The following SLC2A10 variants were observed in gnomAD, a reference collection of about 807,000 sequenced individuals.
SLC2A10 encodes the protein solute carrier family 2 member 10.
In SLC2A10, 25 loss-of-function variants were observed where a neutral mutation model predicts 32.1. The observed-to-expected ratio is 0.78, with a 90% CI of 0.57 to 1.09. The LOEUF (loss-of-function observed/expected upper bound fraction) is 1.09. Ranked by LOEUF, SLC2A10 falls within the 50% of genes least tolerant of loss-of-function variation. SLC2A10 has a pLI of 0.00. For synonymous variants in SLC2A10, 332 were observed against 309.6 expected (o/e 1.07, Z -0.76); for missense variants, 673 against 686.5 (o/e 0.98, Z 0.22).
At chr20:46,730,519 C>T (rs2425909) in intron 4 of SLC2A10, among the ~76,000 whole-genome samples, 56,560 of 151,498 alleles carry the variant, frequency 0.37, 11,360 homozygotes, top group East Asian at 0.6. Context: ...GAGGCACCCA[C>T]GTAATGATGA....
intron 1 of SLC2A10, among the ~76,000 whole-genome samples, chr20:46,722,379 C>T (rs927822884): frequency 1.5e-4 from 23 of 152,280 alleles, no homozygotes; most frequent in Admixed American, 7.2e-4. Flanking sequence ...GCCACAAGAC[C>T]GTGGATTCCC....
chr20:46,726,091 C>T lies in SLC2A10; in HGVS notation c.1055C>T (p.Ser352Phe). ...GACTCTGGCCTGCTGCAGGACTCCTCTCTACCTCCCATTCCAAGGACCAAT... is the reference window on the plus strand; with the variant it reads ...GACTCTGGCCTGCTGCAGGACTCCTTTCTACCTCCCATTCCAAGGACCAAT... ...PGDSGLLQDSSLPPIPRTNED... is the reference protein window; with the variant it reads ...PGDSGLLQDSFLPPIPRTNED... The change falls in exon 2 of 5, where the codon TCT becomes TTT. Residue 352 changes from serine (S) to phenylalanine (F), a missense_variant. Ser to Phe is a radical substitution (Grantham distance 155, BLOSUM62 -2). Transcript: ENST00000359271. 1 of 1,614,254 alleles carries T rather than the reference C, an allele frequency of 6.2e-7. No homozygotes were observed.
chr20:46,733,207 G>A (rs1182708409), intron 4 of SLC2A10, among the ~76,000 whole-genome samples: 1 of 152,150 alleles, frequency 6.6e-6, no homozygotes, highest in Non-Finnish European at 1.5e-5. Flanking sequence ...TTCCAGGGAG[G>A]CCTCAGGAAA....
At chr20:46,720,563 C>T (rs6124855) in intron 1 of SLC2A10, among the ~76,000 whole-genome samples, 22,701 of 152,098 alleles carry the variant, frequency 0.15, 2,981 homozygotes, top group African/African-American at 0.35. Context: ...GACTAAAAAC[C>T]TCACATTGTA....
rs1479181185 is a variant in SLC2A10, at chr20:46,709,680, G to T, written c.-57G>T. 6 of 1,533,188 alleles carry T rather than the reference G, an allele frequency of 3.9e-6. No homozygotes were observed. The highest frequency in any genetic ancestry group is 5.3e-6 in the Non-Finnish European group (6 of 1,140,634). 95.0% of individuals were successfully genotyped at this position (1,533,188 alleles called of 1,614,324 possible). A position where few individuals can be genotyped will look rare whatever the true frequency, so the allele number is the denominator to read the frequency against. On this transcript the variant is annotated 5_prime_UTR_variant, in exon 1 of 5. Transcript: ENST00000359271. ...CGGCAGCGGCGTTGGGGACTCCGGC[G>T]GGGGATGCGCGCCCGGCCCCTCAGC...
intron 4 of SLC2A10, 136 bp downstream of exon 4, chr20:46,729,624 AGTTTTTTTTTTTTTTT>A: frequency 4.0e-5 from 15 of 372,634 alleles, no homozygotes; most frequent in Non-Finnish European, 5.3e-5. Flanking sequence ...GGGCACTATG[AGTTTTTTTTTTTTTTT>A]TTTTTTTTTT....
intron 1 of SLC2A10, among the ~76,000 whole-genome samples, chr20:46,714,808 C>G (rs572329052): frequency 6.6e-6 from 1 of 152,156 alleles, no homozygotes; most frequent in Non-Finnish European, 1.5e-5. Flanking sequence ...CCTCGTCTTC[C>G]TAATGGCTCC....
At chr20:46,713,191 A>C (rs1979033057) in intron 1 of SLC2A10, among the ~76,000 whole-genome samples, 1 of 152,140 alleles carries the variant, frequency 6.6e-6, no homozygotes, top group South Asian at 2.1e-4. Context: ...AGAAGAAACA[A>C]ACCACTCCTG....
intron 4 of SLC2A10, among the ~76,000 whole-genome samples, chr20:46,731,524 C>T (rs1208308975): frequency 6.6e-6 from 1 of 152,158 alleles, no homozygotes; most frequent in East Asian, 1.9e-4. Flanking sequence ...GAGGCAGAAA[C>T]GCTGGTGGGA....
intron 1 of SLC2A10, among the ~76,000 whole-genome samples, chr20:46,715,765 G>A (rs1979201414): frequency 6.6e-6 from 1 of 152,216 alleles, no homozygotes; most frequent in South Asian, 2.1e-4. Context: ...TAATGGAGCA[G>A]TCAAGAGTAG....
At chr20:46,714,855 A>G (rs2123006423) in intron 1 of SLC2A10, among the ~76,000 whole-genome samples, 1 of 152,290 alleles carries the variant, frequency 6.6e-6, no homozygotes, top group South Asian at 2.1e-4. Context: ...CTACAGTCCC[A>G]TGCCACAGTA....
intron 4 of SLC2A10, 82 bp from the exon 5 acceptor site, chr20:46,733,674 G>A (rs1353730771): frequency 9.3e-7 from 1 of 1,074,902 alleles, no homozygotes; most frequent in East Asian, 2.4e-5. Context: ...TTGGGTGGTG[G>A]GAACCCCAGT....
chr20:46,730,711 G>A (rs1403296022), intron 4 of SLC2A10, among the ~76,000 whole-genome samples: 2 of 152,024 alleles, frequency 1.3e-5, no homozygotes, highest in African/African-American at 4.8e-5. Context: ...AGGTTATTGA[G>A]GGGAGTTCAG....
At chr20:46,733,640 G>A (rs1568990151) in intron 4 of SLC2A10, 116 bp from the exon 5 acceptor site, 8 of 815,738 alleles carry the variant, frequency 9.8e-6, no homozygotes, top group South Asian at 9.4e-5. Context: ...GGCAGGAAGG[G>A]TCATGGTAGG....
chr20:46,711,009 A>G (rs1344785369), intron 1 of SLC2A10, among the ~76,000 whole-genome samples: 4 of 151,968 alleles, frequency 2.6e-5, no homozygotes, highest in African/African-American at 9.7e-5. Context: ...AGTAGCTGGG[A>G]TTACAGGCAT....
chr20:46,712,149 T>G (rs1978949057), intron 1 of SLC2A10, among the ~76,000 whole-genome samples: 1 of 151,964 alleles, frequency 6.6e-6, no homozygotes, highest in African/African-American at 2.4e-5. Context: ...CTTAGGAGAG[T>G]GGCTGGCTAT....
chr20:46,728,615 T>G lies in SLC2A10; in HGVS notation c.1412-738T>G, dbSNP rs540559676. ...GAATTTCTGGGTGTGTTTTTTTTTT[T>G]TTTTTTTTTTTTTGAAACAGGGTCT... On this transcript the variant is annotated intron_variant, in intron 3 of 4. Transcript: ENST00000359271. 2.4e-3 allele frequency among the ~76,000 whole-genome samples: 349 copies of G among 148,120 alleles called. 1 individual carries two copies. Among genetic ancestry groups the G allele is most frequent in the Non-Finnish European group, 4.1e-3 (276 of 67,084 alleles).
chr20:46,734,130 G>A lies in SLC2A10; in HGVS notation c.*296G>A, dbSNP rs557357823. 3 of 472,030 alleles carry A rather than the reference G, an allele frequency of 6.4e-6. No homozygotes were observed. The highest frequency in any genetic ancestry group is 6.7e-5 in the Admixed American group (2 of 29,962). The allele number at this position is 472,030 out of a possible 1,614,324, so 29.2% of individuals were successfully genotyped here. A position where few individuals can be genotyped will look rare whatever the true frequency, so the allele number is the denominator to read the frequency against. ...AAGAATATTCTATGAAGTCTTTGTTGCACCATGGACTTTTCTCAAAGAATC... is the reference window on the plus strand; with the variant it reads ...AAGAATATTCTATGAAGTCTTTGTTACACCATGGACTTTTCTCAAAGAATC... On this transcript the variant is annotated 3_prime_UTR_variant, in exon 5 of 5. Coordinates refer to ENST00000359271, the MANE Select transcript of SLC2A10 (RefSeq NM_030777.4).
In SLC2A10 at chr20:46,725,635, C is replaced by T; in HGVS notation, c.599C>T (p.Pro200Leu). 2 of 1,614,138 alleles carry T rather than the reference C, an allele frequency of 1.2e-6. No homozygotes were observed. The highest frequency in any genetic ancestry group is 1.7e-6 in the Non-Finnish European group (2 of 1,180,008). ...ACTGCAACACACAAGGACCTCATCCCACTCCAGGGAGGTGAGGCCCCCAAG... is the reference window on the plus strand; with the variant it reads ...ACTGCAACACACAAGGACCTCATCCTACTCCAGGGAGGTGAGGCCCCCAAG... ...DETATHKDLI[P>L]LQGGEAPKLG... The change falls in exon 2 of 5, where the codon CCA (proline) becomes CTA (leucine). Residue 200 changes from proline to leucine, a missense_variant. Coordinates refer to ENST00000359271, the MANE Select transcript of SLC2A10 (RefSeq NM_030777.4).
Sources: allele counts gnomAD v4.1 joint callset (sites outside exome capture counted in the v4.1 genomes callset), GRCh38; gene constraint gnomAD v4.1.1; transcripts MANE v1.5; gene names NCBI Gene and HGNC (gene_info 2026-07-23, HGNC 2026-07-21).